PIK3R5: variants seen among roughly 807,000 people sequenced by gnomAD.
PIK3R5 encodes the protein phosphoinositide-3-kinase regulatory subunit 5, also known as phosphoinositide 3-kinase regulatory subunit 5.
In PIK3R5, 32 loss-of-function variants were observed where a neutral mutation model predicts 94.9. The ratio of observed to expected loss-of-function variants is 0.34; its 90% confidence interval spans 0.25 to 0.45. The LOEUF (loss-of-function observed/expected upper bound fraction) is 0.45. Ranked by LOEUF, PIK3R5 falls within the 20% of genes least tolerant of loss-of-function variation. The pLI, the probability that PIK3R5 is intolerant of heterozygous loss-of-function variation, is 1.00. For missense variants in PIK3R5, 853 were observed against 1,144.6 expected (o/e 0.75, Z 3.68); for synonymous variants, 443 against 479.4 (o/e 0.92, Z 0.99).
rs1484032527 is a variant in PIK3R5 at position 8,888,524 on chromosome 17, G to T, written c.1263C>A (p.Phe421Leu). ...RRGHRRPGQKFIRIYKLFKST... is the reference protein window; with the variant it reads ...RRGHRRPGQKLIRIYKLFKST... Reference sequence around the variant, plus strand: ...TCTTGAAGAGTTTATAGATCCTGATGAACTTCTGCCCAGGCCTGCGGTGGC... The same window carrying T: ...TCTTGAAGAGTTTATAGATCCTGATTAACTTCTGCCCAGGCCTGCGGTGGC... Residue 421 changes from phenylalanine (F) to leucine (L), a missense_variant, in exon 10 of 19, where the codon TTC becomes TTA. By Grantham distance (22) the Phe-to-Leu change is conservative. Around this residue, in one of 6 missense-constraint regions of PIK3R5, gnomAD observed 319 missense variants for 339.8 expected, o/e 0.94. Coordinates refer to ENST00000447110, the MANE Select transcript of PIK3R5 (RefSeq NM_001142633.3). This position sits in a 1 kb window ranked among gnomAD's most constrained non-coding sequence, Gnocchi z 7.8. The T allele has an allele frequency of 1.2e-6, 2 of 1,611,220 alleles. No individual in the cohort carries two copies. Among genetic ancestry groups the T allele is most frequent in the African/African-American group, 2.7e-5 (2 of 74,932 alleles).
In PIK3R5 at chr17:8,924,804, A is replaced by G. The variant is rs112670100; in HGVS notation, c.-13-13297T>C. Reference sequence around the variant, plus strand: ...AGATACTCATCAGGTTTGTGGACAGAACTGAAATCAGACACTCCTCCCGAT... The same window carrying G: ...AGATACTCATCAGGTTTGTGGACAGGACTGAAATCAGACACTCCTCCCGAT... On this transcript the variant is annotated intron_variant, in intron 1 of 18. Coordinates refer to ENST00000447110, the MANE Select transcript of PIK3R5 (RefSeq NM_001142633.3). 7.5e-3 allele frequency among the ~76,000 whole-genome samples: 1,138 copies of G among 152,334 alleles called. 18 individuals are homozygous for G. Among genetic ancestry groups the G allele is most frequent in the African/African-American group, 0.026 (1,091 of 41,568 alleles).
At chr17:8,886,676 A>G in intron 12 of PIK3R5, 71 bp from the exon 13 acceptor site, 1 of 1,484,352 alleles carries the variant, frequency 6.7e-7, no homozygotes, top group Non-Finnish European at 9.1e-7. Context: ...AGCAAGAATT[A>G]GGGAGGAAGA....
At position 8,925,150 on chromosome 17, in the gene PIK3R5, ATAGC is replaced by A. The variant is rs1055731370; in HGVS notation, c.-13-13647_-13-13644del. ...GGATAGATAGATAGTAGATGAATAG[ATAGC>A]TAGATAGTAGATGGATAGATGGGTA... On this transcript the variant is annotated intron_variant, in intron 1 of 18. Coordinates refer to ENST00000447110, the MANE Select transcript of PIK3R5 (RefSeq NM_001142633.3). The surrounding 1 kb of genome is among the most constrained non-coding windows in gnomAD (Gnocchi z 5.1). 6.6e-6 allele frequency among the ~76,000 whole-genome samples: 1 copy of A among 152,100 alleles called. No homozygotes were observed. The highest frequency in any genetic ancestry group is 2.4e-5 in the African/African-American group (1 of 41,418).
At chr17:8,959,355 C>T (rs545322788) in intron 1 of PIK3R5, among the ~76,000 whole-genome samples, 2 of 152,232 alleles carry the variant, frequency 1.3e-5, no homozygotes, top group Non-Finnish European at 2.9e-5. Context: ...ACCTGGGTCC[C>T]TTGGTGAACT....
chr17:8,947,379 G>T (rs141993090), intron 1 of PIK3R5, among the ~76,000 whole-genome samples: 2 of 152,230 alleles, frequency 1.3e-5, no homozygotes, highest in African/African-American at 4.8e-5. Flanking sequence ...AGAGGAAAAT[G>T]GGGAGAAAAG....
chr17:8,900,514 G>A (rs1477757234), intron 5 of PIK3R5, among the ~76,000 whole-genome samples: 1 of 152,232 alleles, frequency 6.6e-6, no homozygotes, highest in Non-Finnish European at 1.5e-5. Context: ...TACTTGGCTT[G>A]AGCTGCCCTC....
At chr17:8,919,255 T>G (rs1256150914) in intron 1 of PIK3R5, among the ~76,000 whole-genome samples, 1 of 152,254 alleles carries the variant, frequency 6.6e-6, no homozygotes, top group Non-Finnish European at 1.5e-5. Flanking sequence ...GCACCATGTT[T>G]ATGTAAGTTG....
rs370795801 is a variant in PIK3R5 at position 8,925,691 on chromosome 17, G to A, written c.-13-14184C>T. Among the ~76,000 whole-genome samples the A allele has an allele frequency of 1.3e-5, 2 of 152,234 alleles. No individual in the cohort carries two copies. Among genetic ancestry groups the A allele is most frequent in the Non-Finnish European group, 2.9e-5 (2 of 68,046 alleles). On this transcript the variant is annotated intron_variant, in intron 1 of 18. Coordinates refer to ENST00000447110, the MANE Select transcript of PIK3R5 (RefSeq NM_001142633.3). The surrounding 1 kb of genome is among the most constrained non-coding windows in gnomAD (Gnocchi z 5.1). ...TTAAGAAAATCCAGGCTTAGGTTCA[G>A]GCCAAAATCTCTATAATAAGTGGGT...
At chr17:8,887,410 G>A in intron 11 of PIK3R5, 111 bp downstream of exon 11, 5 of 1,343,396 alleles carry the variant, frequency 3.7e-6, no homozygotes, top group Middle Eastern at 2.4e-4. Flanking sequence ...GGCCAGGCAG[G>A]GGGAGGTGCC....
intron 1 of PIK3R5, among the ~76,000 whole-genome samples, chr17:8,938,263 G>T (rs532640087): frequency 8.5e-5 from 13 of 152,174 alleles, no homozygotes; most frequent in Non-Finnish European, 1.8e-4. Flanking sequence ...ATAGAAATAA[G>T]AAATTATTCC....
chr17:8,955,207 T>C lies in PIK3R5; in HGVS notation c.-14+10389A>G, dbSNP rs1485207285. On this transcript the variant is annotated intron_variant, in intron 1 of 18. Transcript: ENST00000447110. The surrounding 1 kb of genome is among the most constrained non-coding windows in gnomAD (Gnocchi z 4.4). Reference sequence around the variant, plus strand: ...GCAGCCCAGCCTGCCCGATCATCAGTCATCCAAGGCTGAGGCCCGGGCCTC... The same window carrying C: ...GCAGCCCAGCCTGCCCGATCATCAGCCATCCAAGGCTGAGGCCCGGGCCTC... Among the ~76,000 whole-genome samples, 3 of 152,166 alleles carry C rather than the reference T, an allele frequency of 2.0e-5. No individual in the cohort carries two copies. Among genetic ancestry groups the C allele is most frequent in the Non-Finnish European group, 4.4e-5 (3 of 68,026 alleles).
chr17:8,931,314 G>A (rs2090983615), intron 1 of PIK3R5, among the ~76,000 whole-genome samples: 1 of 152,022 alleles, frequency 6.6e-6, no homozygotes, highest in Non-Finnish European at 1.5e-5. Context: ...CAAAAGAAGG[G>A]GTGCTTTCAC....
At chr17:8,920,844 C>CTTT (rs66921095) in intron 1 of PIK3R5, among the ~76,000 whole-genome samples, 1 of 133,722 alleles carries the variant, frequency 7.5e-6, no homozygotes, top group African/African-American at 2.8e-5. Flanking sequence ...TTTTCTTTTT[C>CTTT]TTTTTTTTTT....
At chr17:8,961,373 A>G (rs9303234) in intron 1 of PIK3R5, among the ~76,000 whole-genome samples, 127,287 of 152,194 alleles carry the variant, frequency 0.84, 53,432 homozygotes, top group African/African-American at 0.86. Context: ...GGTTGCTCAC[A>G]CCTGTAATCC....
chr17:8,945,966 G>A lies in PIK3R5; in HGVS notation c.-14+19630C>T, dbSNP rs2091263879. The stretch of plus-strand genomic sequence containing the variant: ...GATGTAAGGAAGCCCAAACCACATG[G>A]AGAGGCCCCTTGTAGGCATTCTCAT... On this transcript the variant is annotated intron_variant, in intron 1 of 18. Coordinates refer to ENST00000447110, the MANE Select transcript of PIK3R5 (RefSeq NM_001142633.3). This position sits in a 1 kb window ranked among gnomAD's most constrained non-coding sequence, Gnocchi z 4.0. Among the ~76,000 whole-genome samples, 1 of 152,150 alleles carries A rather than the reference G, an allele frequency of 6.6e-6. No homozygotes were observed. Among genetic ancestry groups the A allele is most frequent in the Admixed American group, 6.5e-5 (1 of 15,282 alleles).
At chr17:8,894,224 G>A (rs917587201) in intron 5 of PIK3R5, among the ~76,000 whole-genome samples, 3 of 152,226 alleles carry the variant, frequency 2.0e-5, no homozygotes, top group Non-Finnish European at 4.4e-5. Context: ...TTCAGAGACT[G>A]GGAGGCGGAG....
At position 8,959,285 on chromosome 17, in the gene PIK3R5, G is replaced by A. The variant is rs1282273925; in HGVS notation, c.-14+6311C>T. On this transcript the variant is annotated intron_variant, in intron 1 of 18. Coordinates refer to ENST00000447110, the MANE Select transcript of PIK3R5 (RefSeq NM_001142633.3). ...GCTTCCTCCCACAGGGAGCTGTGCT[G>A]GGGATAATCCAAAGAAATCAGCACA... Among the ~76,000 whole-genome samples, 5 of 152,290 alleles carry A rather than the reference G, an allele frequency of 3.3e-5. No individual in the cohort carries two copies. The East Asian group carries it at 7.7e-4, about 23-fold the overall frequency.
intron 1 of PIK3R5, among the ~76,000 whole-genome samples, chr17:8,937,364 G>A (rs1321535888): frequency 6.6e-6 from 1 of 152,210 alleles, no homozygotes; most frequent in Non-Finnish European, 1.5e-5. Flanking sequence ...TCACCATAAT[G>A]TTAGCTGTAC....
At chr17:8,928,473 A>T (rs1229144617) in intron 1 of PIK3R5, among the ~76,000 whole-genome samples, 1 of 152,232 alleles carries the variant, frequency 6.6e-6, no homozygotes, top group African/African-American at 2.4e-5. Flanking sequence ...AAATTCTGAA[A>T]ACTAAAGACA....
Sources: allele counts gnomAD v4.1 joint callset (sites outside exome capture counted in the v4.1 genomes callset), GRCh38; gene constraint gnomAD v4.1.1; regional missense constraint gnomAD v4.1.1; non-coding constraint Gnocchi (gnomAD v3.1); transcripts MANE v1.5; gene names NCBI Gene and HGNC (gene_info 2026-07-23, HGNC 2026-07-21).